CYFIP1: variants seen among roughly 807,000 people sequenced by gnomAD.
CYFIP1 encodes cytoplasmic FMR1 interacting protein 1, also known as cytoplasmic FMR1-interacting protein 1.
CYFIP1 carries 58 observed loss-of-function variants against 163.5 expected under a neutral mutation model. That is an observed-to-expected ratio of 0.35 (90% confidence interval 0.29 to 0.44). The LOEUF (loss-of-function observed/expected upper bound fraction) is 0.44, where lower values mean the gene tolerates loss of function less well. Ranked by LOEUF, CYFIP1 falls within the 20% of genes least tolerant of loss-of-function variation. The pLI is 1.00. For synonymous variants in CYFIP1, 663 were observed against 660.7 expected, an observed-to-expected ratio of 1.00 and a Z score of -0.05; for missense variants, 1,338 against 1,653.8, an observed-to-expected ratio of 0.81 and a Z score of 3.31.
chr15:22,945,559 T>C (rs1291938699), intron 3 of CYFIP1, among the ~76,000 whole-genome samples: 1 of 151,646 alleles, frequency 6.6e-6, no homozygotes, highest in African/African-American at 2.4e-5. Flanking sequence ...CTTTATTTAG[T>C]GAGACGTTCA....
chr15:22,903,102 T>A (rs1222619986), intron 22 of CYFIP1, among the ~76,000 whole-genome samples: 1 of 152,166 alleles, frequency 6.6e-6, no homozygotes, highest in Non-Finnish European at 1.5e-5. Context: ...GCACCTTGCT[T>A]GGTGCCCTGG....
chr15:22,920,548 CT>C (rs2061142027), intron 13 of CYFIP1, among the ~76,000 whole-genome samples: 2 of 152,052 alleles, frequency 1.3e-5, no homozygotes, highest in African/African-American at 4.8e-5. Context: ...GATTTTGGTG[CT>C]TTTCTTTTTC....
intron 26 of CYFIP1, among the ~76,000 whole-genome samples, chr15:22,879,479 C>G (rs7166665): frequency 0.024 from 3,685 of 152,198 alleles, 158 homozygotes; most frequent in African/African-American, 0.083. Flanking sequence ...CCATGGGGCA[C>G]GTGCAGCCAT....
intron 1 of CYFIP1, among the ~76,000 whole-genome samples, chr15:22,976,350 G>A (rs2063279232): frequency 6.6e-6 from 1 of 152,122 alleles, no homozygotes; most frequent in Non-Finnish European, 1.5e-5. Flanking sequence ...TAGAGACAGG[G>A]TTTCACTATG....
chr15:22,936,093 G>A (rs928494256), intron 9 of CYFIP1, among the ~76,000 whole-genome samples: 5 of 152,112 alleles, frequency 3.3e-5, no homozygotes, highest in African/African-American at 1.2e-4. Context: ...GCAACATAGG[G>A]AGATCTCGTT....
intron 21 of CYFIP1, among the ~76,000 whole-genome samples, chr15:22,907,406 G>A (rs765523173): frequency 6.6e-6 from 1 of 152,156 alleles, no homozygotes; most frequent in East Asian, 1.9e-4. Flanking sequence ...TGGCACAAAC[G>A]ATCGGCCTTC....
At chr15:22,970,867 G>C (rs2063070190) in intron 1 of CYFIP1, among the ~76,000 whole-genome samples, 1 of 151,834 alleles carries the variant, frequency 6.6e-6, no homozygotes, top group African/African-American at 2.4e-5. Flanking sequence ...ACAAGGTCAA[G>C]AGATCGAGAC....
intron 1 of CYFIP1, among the ~76,000 whole-genome samples, chr15:22,968,756 A>G (rs4293342): frequency 0.52 from 79,553 of 152,004 alleles, 21,447 homozygotes; most frequent in African/African-American, 0.64. Flanking sequence ...GCACAAGTCT[A>G]CTCAATTTAA....
At chr15:22,897,600 C>T (rs1443159220) in intron 22 of CYFIP1, among the ~76,000 whole-genome samples, 1 of 152,066 alleles carries the variant, frequency 6.6e-6, no homozygotes, top group Non-Finnish European at 1.5e-5. Context: ...CCTCCCGCCT[C>T]AGCCTCCTGA....
intron 26 of CYFIP1, among the ~76,000 whole-genome samples, chr15:22,876,343 C>G (rs2059584311): frequency 6.6e-6 from 1 of 152,050 alleles, no homozygotes; most frequent in African/African-American, 2.4e-5. Flanking sequence ...TTCCCTGTTT[C>G]TAATGCAGCA....
At chr15:22,951,260 C>G in intron 1 of CYFIP1, 1 of 1,016,740 alleles carries the variant, frequency 9.8e-7, no homozygotes, top group Non-Finnish European at 1.2e-6. Flanking sequence ...CGACCGCAGC[C>G]GGTCACTGCT....
chr15:22,893,056 C>T lies in CYFIP1; in HGVS notation c.2589-79G>A, dbSNP rs1398742635. ...TTAAAATTCAGAAGTCCTCCATAAT[C>T]CATCTACTAAATCTTCCTCCCAGTC... On this transcript the variant is annotated intron_variant, in intron 22 of 30. Coordinates refer to ENST00000617928, the MANE Select transcript of CYFIP1 (RefSeq NM_014608.6). 3.9e-6 allele frequency: 4 copies of T among 1,023,442 alleles called. 1 individual carries two copies. Among genetic ancestry groups the T allele is most frequent in the Non-Finnish European group, 5.9e-6 (4 of 674,948 alleles). 63.4% of individuals were successfully genotyped at this position (1,023,442 alleles called of 1,614,324 possible).
intron 9 of CYFIP1, among the ~76,000 whole-genome samples, chr15:22,936,866 G>T (rs536019887): frequency 6.6e-6 from 1 of 152,290 alleles, no homozygotes; most frequent in East Asian, 1.9e-4. Flanking sequence ...GCTGGACGCA[G>T]AAGAGTACAA....
intron 23 of CYFIP1, among the ~76,000 whole-genome samples, chr15:22,891,085 T>G (rs1392320475): frequency 1.4e-5 from 2 of 144,658 alleles, no homozygotes; most frequent in African/African-American, 5.1e-5. Flanking sequence ...TGAATTGTAT[T>G]TTTTTCAATT....
At chr15:22,941,824 A>AAC (rs1232084183) in intron 6 of CYFIP1, among the ~76,000 whole-genome samples, 8 of 152,040 alleles carry the variant, frequency 5.3e-5, no homozygotes, top group South Asian at 2.1e-4. Flanking sequence ...AAAAAACAAC[A>AAC]ACACACACAC....
chr15:22,869,922 C>G lies in CYFIP1; in HGVS notation c.*106G>C, dbSNP rs558446550. The G allele has an allele frequency of 1.1e-5, 12 of 1,059,378 alleles. No individual in the cohort carries two copies. The Admixed American group carries it at 1.6e-4, about 14-fold the overall frequency. The allele number at this position is 1,059,378 out of a possible 1,614,324, so 65.6% of individuals were successfully genotyped here. On this transcript the variant is annotated 3_prime_UTR_variant, in exon 31 of 31. Coordinates refer to ENST00000617928, the MANE Select transcript of CYFIP1 (RefSeq NM_014608.6). ...AAGTTTTTAGATCGAAAAGCACCCC[C>G]TTTAACAGGTACAGAGATACTGAAA...
At chr15:22,974,217 G>A (rs1388456625) in intron 1 of CYFIP1, among the ~76,000 whole-genome samples, 4 of 152,052 alleles carry the variant, frequency 2.6e-5, no homozygotes, top group African/African-American at 7.2e-5. Context: ...CCAAGAGATC[G>A]CTGTACCCCA....
chr15:22,897,602 G>A (rs1033238274), intron 22 of CYFIP1, among the ~76,000 whole-genome samples: 4 of 151,976 alleles, frequency 2.6e-5, no homozygotes, highest in Admixed American at 6.6e-5. Flanking sequence ...TCCCGCCTCA[G>A]CCTCCTGAGT....
chr15:22,945,011 A>C, intron 3 of CYFIP1, 72 bp from the exon 4 acceptor site: 1 of 1,361,456 alleles, frequency 7.3e-7, no homozygotes, highest in Non-Finnish European at 1.1e-6. Context: ...CAGTTGCTAA[A>C]ATCCAGACAA....
Sources: allele counts gnomAD v4.1 joint callset (sites outside exome capture counted in the v4.1 genomes callset), GRCh38; gene constraint gnomAD v4.1.1; transcripts MANE v1.5; gene names NCBI Gene and HGNC (gene_info 2026-07-23, HGNC 2026-07-21).